Variants in CFAP54 observed in about 807,000 individuals in gnomAD.
CFAP54 encodes the protein cilia and flagella associated protein 54.
A neutral mutation model predicts 370.4 loss-of-function variants in CFAP54; 290 were observed. The ratio of observed to expected loss-of-function variants is 0.78; its 90% CI spans 0.71 to 0.86. CFAP54 has a LOEUF of 0.86. CFAP54 is among the 40% of genes least tolerant of loss of function. The pLI is 0.00. For synonymous variants in CFAP54, 1,206 were observed against 1,236.5 expected, an observed-to-expected ratio of 0.98 and a Z score of 0.52; for missense variants, 3,399 against 3,528.7, an observed-to-expected ratio of 0.96 and a Z score of 0.93.
intron 32 of CFAP54, among the ~76,000 whole-genome samples, chr12:96,633,533 A>G (rs543756311): frequency 6.6e-6 from 1 of 152,334 alleles, no homozygotes; most frequent in South Asian, 2.1e-4. Context: ...TGACCACCAC[A>G]GTATGTAACC....
chr12:96,849,947 G>C (rs1959488755), intron 66 of CFAP54, among the ~76,000 whole-genome samples: 1 of 152,082 alleles, frequency 6.6e-6, no homozygotes, highest in South Asian at 2.1e-4. Context: ...CTAGGGAATG[G>C]AACCTTGGTA....
chr12:96,639,373 A>C (rs1263839962), intron 32 of CFAP54, among the ~76,000 whole-genome samples: 1 of 152,208 alleles, frequency 6.6e-6, no homozygotes, highest in African/African-American at 2.4e-5. Flanking sequence ...CCCAAGACTA[A>C]ACCAGGAAGA....
At chr12:96,621,260 A>T (rs1956483853) in intron 26 of CFAP54, among the ~76,000 whole-genome samples, 1 of 152,172 alleles carries the variant, frequency 6.6e-6, no homozygotes, top group Admixed American at 6.5e-5. Flanking sequence ...TGACTTTTTA[A>T]ATATGGATTT....
rs1013635835 is a variant in CFAP54, at chr12:96,535,504, T to C, written c.1706-11T>C. 2 of 1,520,028 alleles carry C rather than the reference T, an allele frequency of 1.3e-6. No homozygotes were observed. Among genetic ancestry groups the C allele is most frequent in the Non-Finnish European group, 1.8e-6 (2 of 1,133,736 alleles). 94.2% of individuals were successfully genotyped at this position (1,520,028 alleles called of 1,614,324 possible). A position where few individuals can be genotyped will look rare whatever the true frequency, so the allele number is the denominator to read the frequency against. ...TTTTTTGTTTCATTTTCCTCTACTT[T>C]ATGAACTTAGATACTTGTTTGAAGA... On this transcript the variant is annotated splice_polypyrimidine_tract_variant and intron_variant, in intron 11 of 67. Transcript: ENST00000524981.
At chr12:96,649,534 T>C (rs1240765398) in intron 34 of CFAP54, among the ~76,000 whole-genome samples, 1 of 152,200 alleles carries the variant, frequency 6.6e-6, no homozygotes, top group Non-Finnish European at 1.5e-5. Flanking sequence ...TCTGATATAT[T>C]GTCTTAGGAA....
chr12:96,724,996 C>T (rs570430448), intron 50 of CFAP54, among the ~76,000 whole-genome samples: 10 of 152,138 alleles, frequency 6.6e-5, no homozygotes, highest in Non-Finnish European at 1.0e-4. Context: ...AGATATGTGG[C>T]GTTATTTCTG....
chr12:96,495,803 A>AT (rs199598425), intron 1 of CFAP54, among the ~76,000 whole-genome samples: 1,671 of 152,104 alleles, frequency 0.011, 27 homozygotes, highest in African/African-American at 0.037. Context: ...AAAAAAAGAG[A>AT]TTTTTTCTTT....
At chr12:96,669,610 C>T (rs1957121614) in intron 39 of CFAP54, among the ~76,000 whole-genome samples, 1 of 152,078 alleles carries the variant, frequency 6.6e-6, no homozygotes, top group Admixed American at 6.6e-5. Context: ...GTTCAAGTCG[C>T]CTTGGTTTCT....
rs770038088 is a variant in CFAP54, at chr12:96,740,033, C to G, written c.7043C>G (p.Thr2348Arg). 2.5e-6 allele frequency: 4 copies of G among 1,602,290 alleles called. No homozygotes were observed. The highest frequency in any genetic ancestry group is 2.6e-6 in the Non-Finnish European group (3 of 1,171,058). The change falls in exon 51 of 68, where the codon ACA becomes AGA. Residue 2348 changes from threonine (T) to arginine (R), a missense_variant. Around this residue, in one of 3 missense-constraint regions of CFAP54, gnomAD observed 2,796 missense variants for 2,869.7 expected, o/e 0.97. Transcript: ENST00000524981. ...LFEKKVVQDD[T>R]ENPVSPGTSV... Reference sequence around the variant, plus strand: ...GAAAAGAAGGTAGTACAGGATGACACAGAGAATCCTGTCTCTCCAGGAACT... The same window carrying G: ...GAAAAGAAGGTAGTACAGGATGACAGAGAGAATCCTGTCTCTCCAGGAACT...
At chr12:96,494,114 C>T (rs556853147) in intron 1 of CFAP54, among the ~76,000 whole-genome samples, 6 of 152,210 alleles carry the variant, frequency 3.9e-5, no homozygotes, top group African/African-American at 1.4e-4. Flanking sequence ...CAGGAAGATC[C>T]TTGGCAGAAC....
intron 28 of CFAP54, among the ~76,000 whole-genome samples, chr12:96,625,320 C>A (rs751635540): frequency 6.6e-6 from 1 of 152,134 alleles, no homozygotes; most frequent in East Asian, 1.9e-4. Context: ...TTGAACCCAG[C>A]CAGTCTGGCT....
chr12:96,797,211 C>T (rs964777478), intron 63 of CFAP54, among the ~76,000 whole-genome samples: 1 of 151,668 alleles, frequency 6.6e-6, no homozygotes, highest in South Asian at 2.1e-4. Context: ...AGTGTGATTA[C>T]TATTTGTTGA....
chr12:96,763,675 A>G (rs1301982293), intron 58 of CFAP54, among the ~76,000 whole-genome samples: 1 of 152,124 alleles, frequency 6.6e-6, no homozygotes, highest in East Asian at 1.9e-4. Flanking sequence ...GCTACTTGGG[A>G]GTCTGAGGTA....
intron 40 of CFAP54, among the ~76,000 whole-genome samples, chr12:96,683,760 T>G (rs549108318): frequency 6.6e-6 from 1 of 151,786 alleles, no homozygotes; most frequent in East Asian, 1.9e-4. Flanking sequence ...CCAGAATGCA[T>G]GCATTCATTA....
chr12:96,507,534 TACACACACACAC>T (rs34776926), intron 4 of CFAP54, among the ~76,000 whole-genome samples: 1 of 140,592 alleles, frequency 7.1e-6, no homozygotes, highest in Non-Finnish European at 1.6e-5. Context: ...CACACACACA[TACACACACACAC>T]ACACACACAC....
At chr12:96,766,261 T>C (rs1367375819) in intron 60 of CFAP54, among the ~76,000 whole-genome samples, 1 of 152,200 alleles carries the variant, frequency 6.6e-6, no homozygotes, top group East Asian at 1.9e-4. Context: ...GATTTTTTTT[T>C]ACGCTGAGGT....
intron 26 of CFAP54, among the ~76,000 whole-genome samples, chr12:96,618,814 C>T (rs1441050147): frequency 2.6e-5 from 4 of 152,116 alleles, no homozygotes; most frequent in Non-Finnish European, 2.9e-5. Context: ...CTGGCCAGGA[C>T]CCCCACCCCC....
intron 32 of CFAP54, among the ~76,000 whole-genome samples, chr12:96,634,920 T>C (rs950176667): frequency 6.6e-6 from 1 of 152,244 alleles, no homozygotes; most frequent in Non-Finnish European, 1.5e-5. Context: ...CTGAGTTCTG[T>C]ATTCTGTTCC....
chr12:96,677,012 C>CT (rs57648377), intron 39 of CFAP54, among the ~76,000 whole-genome samples: 133,229 of 150,630 alleles, frequency 0.88, 59,165 homozygotes, highest in East Asian at 0.96. Flanking sequence ...CTTTTCTTTT[C>CT]TTTTTTTTGA....
Sources: allele counts gnomAD v4.1 joint callset (sites outside exome capture counted in the v4.1 genomes callset), GRCh38; gene constraint gnomAD v4.1.1; regional missense constraint gnomAD v4.1.1; transcripts MANE v1.5; gene names NCBI Gene and HGNC (gene_info 2026-07-23, HGNC 2026-07-21).